Variants in CACNB2 observed in about 807,000 individuals in gnomAD.
The protein encoded by CACNB2 is voltage-dependent L-type calcium channel subunit beta-2.
Under a neutral mutation model 73.3 loss-of-function variants are expected in CACNB2, and 42 were observed. That is an observed-to-expected ratio of 0.57 (90% CI 0.45 to 0.74). The LOEUF is 0.74. Among genes scored for constraint, CACNB2 ranks in the 30% least tolerant of loss-of-function variants. The pLI is 0.00. For synonymous variants in CACNB2, 348 were observed against 310.3 expected, an observed-to-expected ratio of 1.12 and a Z score of -1.28; for missense variants, 940 against 853.0, an observed-to-expected ratio of 1.10 and a Z score of -1.27.
chr10:18,412,411 A>AT (rs914569650), intron 3 of CACNB2, among the ~76,000 whole-genome samples: 3 of 151,836 alleles, frequency 2.0e-5, no homozygotes, highest in South Asian at 2.1e-4. Context: ...CTTCTGTCCT[A>AT]TTTTTTTCCC....
chr10:18,365,861 A>G (rs1206801232), intron 2 of CACNB2, among the ~76,000 whole-genome samples: 1 of 152,198 alleles, frequency 6.6e-6, no homozygotes, highest in Non-Finnish European at 1.5e-5. Flanking sequence ...TCAGATCAAG[A>G]AAGAAAAGAA....
chr10:18,219,712 A>G (rs2035652361), intron 2 of CACNB2, among the ~76,000 whole-genome samples: 1 of 151,632 alleles, frequency 6.6e-6, no homozygotes, highest in Non-Finnish European at 1.5e-5. Flanking sequence ...CAACTTCAAT[A>G]GCTTCCAACT....
At chr10:18,504,902 A>G in intron 5 of CACNB2, among the ~76,000 whole-genome samples, 1 of 152,268 alleles carries the variant, frequency 6.6e-6, no homozygotes. Flanking sequence ...ACCTTGGCCT[A>G]CCAGAGTGTT....
chr10:18,531,897 G>T (rs1194514549), intron 10 of CACNB2: 1 of 152,146 alleles, frequency 6.6e-6, no homozygotes, highest in African/African-American at 2.4e-5. Flanking sequence ...TGGGATGTGG[G>T]GAGATGAGGA....
chr10:18,486,002 CTA>C (rs2049043144), intron 3 of CACNB2, among the ~76,000 whole-genome samples: 1 of 148,908 alleles, frequency 6.7e-6, no homozygotes, highest in African/African-American at 2.5e-5. Context: ...TTAAAACAAA[CTA>C]TGAATTTTCC....
At chr10:18,172,601 C>G (rs2033320943) in intron 2 of CACNB2, among the ~76,000 whole-genome samples, 1 of 152,126 alleles carries the variant, frequency 6.6e-6, no homozygotes, top group Non-Finnish European at 1.5e-5. Context: ...ATGTGAAACC[C>G]TTGTCCTGTG....
intron 11 of CACNB2, among the ~76,000 whole-genome samples, 185 bp from the exon 12 acceptor site, chr10:18,535,916 G>A (rs1370534052): frequency 6.6e-6 from 1 of 152,030 alleles, no homozygotes; most frequent in African/African-American, 2.4e-5. Context: ...AAAAATGTGA[G>A]TGCTTAAAGC....
chr10:18,474,778 C>A (rs1471168927), intron 3 of CACNB2, among the ~76,000 whole-genome samples: 1 of 152,044 alleles, frequency 6.6e-6, no homozygotes, highest in African/African-American at 2.4e-5. Flanking sequence ...TGTTTTCCCC[C>A]CCAACAGCAA....
chr10:18,523,613 G>A (rs1226877213), intron 9 of CACNB2, among the ~76,000 whole-genome samples: 2 of 152,146 alleles, frequency 1.3e-5, no homozygotes, highest in African/African-American at 4.8e-5. Context: ...AGGAAGAAAC[G>A]AGTCCATAAG....
intron 2 of CACNB2, among the ~76,000 whole-genome samples, chr10:18,209,974 A>G (rs2035251650): frequency 6.6e-6 from 1 of 152,210 alleles, no homozygotes; most frequent in Non-Finnish European, 1.5e-5. Flanking sequence ...GGAGAAAGAA[A>G]AGGATGTATT....
intron 7 of CACNB2, among the ~76,000 whole-genome samples, chr10:18,515,528 A>G (rs887446834): frequency 1.4e-4 from 21 of 152,092 alleles, no homozygotes; most frequent in Admixed American, 1.4e-3. Context: ...TTGTGGAGGA[A>G]CTCAAGTCAT....
intron 2 of CACNB2, among the ~76,000 whole-genome samples, chr10:18,301,237 C>T (rs1307154901): frequency 1.3e-5 from 2 of 152,128 alleles, no homozygotes; most frequent in Non-Finnish European, 2.9e-5. Flanking sequence ...AGGGGAGTGA[C>T]GTGAGCTGAC....
intron 3 of CACNB2, among the ~76,000 whole-genome samples, chr10:18,487,800 T>C (rs2132904411): frequency 6.7e-6 from 1 of 149,444 alleles, no homozygotes; most frequent in African/African-American, 2.5e-5. Flanking sequence ...CTGCCACAAA[T>C]TGCACTCCAG....
intron 3 of CACNB2, among the ~76,000 whole-genome samples, chr10:18,472,310 C>T (rs565138505): frequency 1.4e-5 from 2 of 148,008 alleles, no homozygotes; most frequent in African/African-American, 2.5e-5. Context: ...GATCTCGGCT[C>T]ACTGCAACCT....
At chr10:18,320,460 A>G (rs921002117) in intron 2 of CACNB2, among the ~76,000 whole-genome samples, 4 of 152,234 alleles carry the variant, frequency 2.6e-5, no homozygotes, top group African/African-American at 9.6e-5. Flanking sequence ...TTGAAAAACT[A>G]GTGCTTAAAA....
At position 18,538,203 on chromosome 10, in the gene CACNB2, T is replaced by C; in HGVS notation, c.1326T>C (p.Asp442=). ...AGGAGCTGTTCGATGTGATCTTGGA[T>C]GAGAACCAGCTTGAGGATGCCTGTG... ...CPPELFDVIL[D]ENQLEDACEH... Residue 442 remains aspartate, a synonymous_variant, in exon 13 of 14, where the codon GAT becomes GAC. Transcript: ENST00000324631. The C allele has an allele frequency of 6.2e-7, 1 of 1,608,826 alleles. No homozygotes were observed. Among genetic ancestry groups the C allele is most frequent in the Non-Finnish European group, 8.5e-7 (1 of 1,175,288 alleles).
intron 2 of CACNB2, among the ~76,000 whole-genome samples, chr10:18,332,146 G>C (rs959218856): frequency 6.6e-6 from 1 of 152,136 alleles, no homozygotes; most frequent in South Asian, 2.1e-4. Flanking sequence ...CATGAGTAGA[G>C]GACTTTAATT....
intron 2 of CACNB2, among the ~76,000 whole-genome samples, chr10:18,293,768 A>G (rs1471966420): frequency 6.6e-6 from 1 of 152,224 alleles, no homozygotes; most frequent in Non-Finnish European, 1.5e-5. Context: ...TGACTGCCAT[A>G]TTACAGAGAA....
chr10:18,539,296 G>T lies in CACNB2; in HGVS notation c.1555G>T (p.Glu519Ter), dbSNP rs1351578293. ...PIRSASQAEE[E>*]PSVEPVKKSQ... is the part of the protein sequence containing the mutation. ...CCGTTCTGCTTCCCAAGCTGAAGAA[G>T]AACCTAGTGTGGAACCAGTCAAGAA... The change falls in exon 14 of 14, where the codon GAA (glutamate) becomes TAA (stop). Residue 519 changes from glutamate (E) to a stop codon, truncating the protein, a stop_gained. Coordinates refer to ENST00000324631, the MANE Select transcript of CACNB2 (RefSeq NM_201596.3). LOFTEE classifies it high-confidence loss of function. 1.2e-6 allele frequency: 2 copies of T among 1,613,976 alleles called. No individual in the cohort carries two copies. Among genetic ancestry groups the T allele is most frequent in the South Asian group, 1.1e-5 (1 of 91,072 alleles).
Sources: gnomAD v4.1 joint callset for allele counts (sites outside exome capture counted in the v4.1 genomes callset) on GRCh38, gnomAD v4.1.1 for gene constraint, MANE v1.5 for transcripts, NCBI Gene and HGNC (gene_info 2026-07-23, HGNC 2026-07-21) for gene names.